ACTN1: variants seen among roughly 807,000 people sequenced by gnomAD.
ACTN1 encodes the protein alpha-actinin-1.
In ACTN1, 30 loss-of-function variants were observed where a neutral mutation model predicts 119.6. That is an observed-to-expected ratio of 0.25 (90% CI 0.19 to 0.34). ACTN1 has a LOEUF of 0.34. Among genes scored for constraint, ACTN1 ranks in the 10% least tolerant of loss-of-function variants. ACTN1 has a pLI of 1.00. For synonymous variants in ACTN1, 429 were observed against 472.6 expected (o/e 0.91, Z 1.20); for missense variants, 764 against 1,223.4 (o/e 0.62, Z 5.60).
rs1404725301 is a variant in ACTN1, at chr14:68,878,410, G to A, written c.2427+48C>T. The A allele has an allele frequency of 6.6e-7, 1 of 1,521,712 alleles. No homozygotes were observed. 94.3% of individuals were successfully genotyped at this position (1,521,712 alleles called of 1,614,324 possible). On this transcript the variant is annotated intron_variant, in intron 20 of 21. Transcript: ENST00000394419. The surrounding 1 kb of genome is among the most constrained non-coding windows in gnomAD (Gnocchi z 4.4). The stretch of plus-strand genomic sequence containing the variant: ...TCCTGGGACTTGGCTGCTCCCGCCA[G>A]CTGGCTGCCTTCTCACCAGGGCAGA...
At chr14:68,977,695 C>A (rs2037106487) in intron 1 of ACTN1, 3 of 309,682 alleles carry the variant, frequency 9.7e-6, no homozygotes, top group Non-Finnish European at 1.9e-5. Context: ...TAAACTACCC[C>A]CCTTTTAAGT....
intron 1 of ACTN1, among the ~76,000 whole-genome samples, chr14:68,976,489 G>A (rs1222830242): frequency 6.6e-6 from 1 of 152,216 alleles, no homozygotes; most frequent in African/African-American, 2.4e-5. Flanking sequence ...GCCCACGAAA[G>A]ATAATCTAGA....
intron 1 of ACTN1, among the ~76,000 whole-genome samples, chr14:68,958,567 C>T (rs2036428725): frequency 1.3e-5 from 2 of 151,324 alleles, no homozygotes. Context: ...CTTTTGAAAG[C>T]AATTGATTCA....
chr14:68,935,275 C>T (rs533813428), intron 1 of ACTN1, among the ~76,000 whole-genome samples: 37 of 152,090 alleles, frequency 2.4e-4, no homozygotes, highest in African/African-American at 8.9e-4. Context: ...CCACCTGCCT[C>T]TGCCTCCCAA....
At chr14:68,908,205 C>A (rs2033787178) in intron 6 of ACTN1, among the ~76,000 whole-genome samples, 1 of 151,492 alleles carries the variant, frequency 6.6e-6, no homozygotes, top group Non-Finnish European at 1.5e-5. Context: ...TGGGGCGGGG[C>A]ACGGTGCAGG....
rs113901106 is a variant in ACTN1 at position 68,881,030 on chromosome 14, T to C, written c.1954-41A>G. The C allele has an allele frequency of 1.9e-5, 30 of 1,604,504 alleles. No homozygotes were observed. In the African/African-American group the frequency reaches 3.1e-4, roughly 16 times the overall value. On this transcript the variant is annotated intron_variant, in intron 16 of 21. Transcript: ENST00000394419. Reference sequence around the variant, plus strand: ...GAAGCACCTTGTCAGACCACCTCACTCTGCTCCCATAGGGTGGGGACTGGG... The same window carrying C: ...GAAGCACCTTGTCAGACCACCTCACCCTGCTCCCATAGGGTGGGGACTGGG...
intron 7 of ACTN1, among the ~76,000 whole-genome samples, chr14:68,903,994 G>A (rs1566620157): frequency 6.6e-6 from 1 of 152,146 alleles, no homozygotes; most frequent in Non-Finnish European, 1.5e-5. Flanking sequence ...GGGACAGCAA[G>A]GCCTTGGTGA....
chr14:68,912,485 C>T (rs762700231), intron 3 of ACTN1, among the ~76,000 whole-genome samples: 18 of 152,132 alleles, frequency 1.2e-4, no homozygotes, highest in Non-Finnish European at 1.3e-4. Context: ...CTCAAGCGAT[C>T]CTCCCATCTC....
chr14:68,908,647 A>G (rs1419149055), intron 6 of ACTN1, among the ~76,000 whole-genome samples: 1 of 152,062 alleles, frequency 6.6e-6, no homozygotes, highest in Admixed American at 6.5e-5. Context: ...CCAGGAGGGA[A>G]CCTGGAGAGT....
At chr14:68,951,918 G>A (rs2036183835) in intron 1 of ACTN1, among the ~76,000 whole-genome samples, 1 of 152,260 alleles carries the variant, frequency 6.6e-6, no homozygotes. Context: ...GCAAACAGCA[G>A]TGAACAAGCG....
intron 8 of ACTN1, among the ~76,000 whole-genome samples, chr14:68,899,165 ACAC>A (rs2033113337): frequency 7.5e-6 from 1 of 133,320 alleles, no homozygotes; most frequent in East Asian, 2.3e-4. Flanking sequence ...CACCACACAC[ACAC>A]CTCACACCCT....
chr14:68,978,573 C>T, intron 1 of ACTN1: 1 of 286,216 alleles, frequency 3.5e-6, no homozygotes, highest in South Asian at 3.1e-5. Flanking sequence ...AAGGGAAAAT[C>T]GATCCGGAGC....
chr14:68,881,124 A>G (rs2031469070), intron 16 of ACTN1, 135 bp from the exon 17 acceptor site: 2 of 774,844 alleles, frequency 2.6e-6, no homozygotes, highest in Non-Finnish European at 4.1e-6. Flanking sequence ...GGAGGCCATC[A>G]CTGGTAATTA....
Position 68,882,581 on chromosome 14 carries a change from C to G in ACTN1, c.1830G>C (p.Leu610=), listed in dbSNP as rs1486386281. 1.9e-6 allele frequency: 3 copies of G among 1,614,024 alleles called. No homozygotes were observed. Among genetic ancestry groups the G allele is most frequent in the African/African-American group, 2.7e-5 (2 of 74,926 alleles). ...TCAGAGCTTGGTCCCTCCGAGGCAC[C>G]AGCTGCCGCACCTGGGGCAGGAACA... is the stretch of plus-strand genomic sequence containing the variant. The part of the protein sequence containing the change: ...INGKWDHVRQ[L]VPRRDQALTE... Residue 610 remains leucine, a synonymous_variant, in exon 16 of 22, where the codon CTG becomes CTC. Coordinates refer to ENST00000394419, the MANE Select transcript of ACTN1 (RefSeq NM_001130004.2). This position sits in a 1 kb window ranked among gnomAD's most constrained non-coding sequence, Gnocchi z 4.5.
In ACTN1 at chr14:68,895,093, G is replaced by T. The variant is rs77316015; in HGVS notation, c.763-1346C>A. On this transcript the variant is annotated intron_variant, in intron 8 of 21. Transcript: ENST00000394419. ...CCTTGTCAGAAACACAGTCAAGGAG[G>T]TCAAGGGAGGCATGACCTGCAGAGC... is the stretch of plus-strand genomic sequence containing the variant. Among the ~76,000 whole-genome samples, 660 of 152,240 alleles carry T rather than the reference G, an allele frequency of 4.3e-3. 6 individuals are homozygous for T. The highest frequency in any genetic ancestry group is 0.015 in the African/African-American group (633 of 41,538).
chr14:68,978,172 C>T, intron 1 of ACTN1: 1 of 456,268 alleles, frequency 2.2e-6, no homozygotes, highest in South Asian at 1.5e-5. Flanking sequence ...TCCCCTAAGA[C>T]TGACCCTCGT....
intron 1 of ACTN1, among the ~76,000 whole-genome samples, chr14:68,948,079 C>T (rs1057334245): frequency 3.9e-5 from 6 of 152,234 alleles, no homozygotes; most frequent in East Asian, 1.9e-4. Flanking sequence ...CAACCTCACA[C>T]GCAGCCTCTC....
chr14:68,943,979 A>C (rs1381585341), intron 1 of ACTN1, among the ~76,000 whole-genome samples: 1 of 152,212 alleles, frequency 6.6e-6, no homozygotes, highest in Non-Finnish European at 1.5e-5. Flanking sequence ...AGCCTGCACC[A>C]GTCCCTGCTC....
chr14:68,896,698 C>T (rs529202442), intron 8 of ACTN1, among the ~76,000 whole-genome samples: 16 of 152,312 alleles, frequency 1.1e-4, no homozygotes, highest in African/African-American at 3.8e-4. Flanking sequence ...GAAGCAACTT[C>T]AGAAGAGAAC....
Sources: gnomAD v4.1 joint callset for allele counts (sites outside exome capture counted in the v4.1 genomes callset) on GRCh38, gnomAD v4.1.1 for gene constraint, Gnocchi (gnomAD v3.1) non-coding constraint, MANE v1.5 for transcripts, NCBI Gene and HGNC (gene_info 2026-07-23, HGNC 2026-07-21) for gene names.